RBFOX1: variants seen among roughly 807,000 people sequenced by gnomAD.
RBFOX1 encodes RNA binding fox-1 homolog 1, also known as RNA binding protein fox-1 homolog 1.
RBFOX1 carries 8 observed loss-of-function variants against 57.7 expected under a neutral mutation model. The observed-to-expected ratio is 0.14, with a 90% confidence interval of 0.08 to 0.25. The LOEUF (loss-of-function observed/expected upper bound fraction) is 0.25. Ranked by LOEUF, RBFOX1 falls within the 10% of genes least tolerant of loss-of-function variation. The probability of loss-of-function intolerance (pLI) is 1.00; values close to 1 mark genes in which losing one functional copy is unlikely to be tolerated. For missense variants in RBFOX1, 611 were observed against 548.5 expected (o/e 1.11, Z -1.14); for synonymous variants, 326 against 222.4 (o/e 1.47, Z -4.15).
chr16:6,876,727 C>G (rs189058198), intron 3 of RBFOX1, among the ~76,000 whole-genome samples: 144 of 152,120 alleles, frequency 9.5e-4, no homozygotes, highest in South Asian at 1.9e-3. Context: ...CAAGAGAGAA[C>G]CCATAGTCCC....
chr16:5,919,509 A>AT (rs201289683), intron 4 of RBFOX1, among the ~76,000 whole-genome samples: 2,834 of 151,976 alleles, frequency 0.019, 80 homozygotes, highest in African/African-American at 0.066. Context: ...GGCCCGGCTA[A>AT]TTTTTTGTAT....
intron 3 of RBFOX1, among the ~76,000 whole-genome samples, chr16:6,821,721 A>G (rs1286370051): frequency 6.6e-6 from 1 of 152,164 alleles, no homozygotes; most frequent in Non-Finnish European, 1.5e-5. Flanking sequence ...GTGCTTCATC[A>G]ATTTTTATGG....
At chr16:6,288,627 T>A (rs567537122) in intron 1 of RBFOX1, among the ~76,000 whole-genome samples, 1 of 152,268 alleles carries the variant, frequency 6.6e-6, no homozygotes, top group South Asian at 2.1e-4. Context: ...GTTGCACTTC[T>A]GGGAAACTGC....
intron 4 of RBFOX1, among the ~76,000 whole-genome samples, chr16:5,935,551 G>C (rs2059151686): frequency 6.6e-6 from 1 of 152,200 alleles, no homozygotes; most frequent in Non-Finnish European, 1.5e-5. Flanking sequence ...GTGAGAGCAG[G>C]AAAGAAGAGG....
chr16:6,900,699 C>G (rs1475122860), intron 3 of RBFOX1, among the ~76,000 whole-genome samples: 3 of 152,192 alleles, frequency 2.0e-5, no homozygotes, highest in African/African-American at 7.2e-5. Flanking sequence ...GTCTCAGAAT[C>G]TGTATTGCTT....
chr16:6,878,977 C>G (rs753401542), intron 3 of RBFOX1, among the ~76,000 whole-genome samples: 2 of 152,026 alleles, frequency 1.3e-5, no homozygotes, highest in Admixed American at 6.6e-5. Flanking sequence ...AATAAAATGA[C>G]TTGTATAAGG....
At chr16:5,949,565 A>T (rs1395749493) in intron 4 of RBFOX1, among the ~76,000 whole-genome samples, 1 of 151,712 alleles carries the variant, frequency 6.6e-6, no homozygotes, top group African/African-American at 2.4e-5. Flanking sequence ...ACAGGATCCA[A>T]TTAAAGATAA....
At chr16:7,339,152 C>T (rs987242233) in intron 4 of RBFOX1, among the ~76,000 whole-genome samples, 1 of 152,142 alleles carries the variant, frequency 6.6e-6, no homozygotes, top group African/African-American at 2.4e-5. Flanking sequence ...TGTCAATTAA[C>T]CTCACCAAGC....
chr16:6,632,217 G>A (rs144148173), intron 2 of RBFOX1, among the ~76,000 whole-genome samples: 1 of 151,968 alleles, frequency 6.6e-6, no homozygotes, highest in African/African-American at 2.4e-5. Context: ...AGGAAAGCTG[G>A]AAGAACTTTA....
intron 2 of RBFOX1, among the ~76,000 whole-genome samples, chr16:5,485,437 C>A (rs1197406552): frequency 2.3e-5 from 3 of 132,732 alleles, no homozygotes; most frequent in Non-Finnish European, 5.0e-5. Context: ...GAGGTGAGAT[C>A]ATCAGTACCA....
chr16:5,997,571 C>T (rs17134940), intron 4 of RBFOX1, among the ~76,000 whole-genome samples: 9,106 of 152,240 alleles, frequency 0.06, 505 homozygotes, highest in East Asian at 0.28. Flanking sequence ...TGAAGAATCA[C>T]CAAATCTCTA....
At chr16:5,812,434 C>T (rs1050071335) in intron 3 of RBFOX1, among the ~76,000 whole-genome samples, 1 of 151,076 alleles carries the variant, frequency 6.6e-6, no homozygotes, top group Non-Finnish European at 1.5e-5. Flanking sequence ...CACATACACT[C>T]ACCAACATGA....
At chr16:5,276,089 A>G (rs1421442730) in intron 1 of RBFOX1, among the ~76,000 whole-genome samples, 2 of 152,250 alleles carry the variant, frequency 1.3e-5, no homozygotes, top group African/African-American at 4.8e-5. Flanking sequence ...ATTCTTGAAG[A>G]TAACATTGGA....
chr16:5,376,858 A>T (rs1357608188), intron 1 of RBFOX1, among the ~76,000 whole-genome samples: 1 of 151,550 alleles, frequency 6.6e-6, no homozygotes, highest in East Asian at 1.9e-4. Context: ...TGGCAGGGGG[A>T]GCAGGTTCTG....
intron 3 of RBFOX1, among the ~76,000 whole-genome samples, chr16:6,931,884 A>C (rs2076620161): frequency 6.6e-6 from 1 of 152,202 alleles, no homozygotes; most frequent in Non-Finnish European, 1.5e-5. Context: ...ATAAGGCATC[A>C]CATGGCAAGA....
chr16:6,080,013 C>T (rs905940711), intron 1 of RBFOX1, among the ~76,000 whole-genome samples: 5 of 152,292 alleles, frequency 3.3e-5, no homozygotes, highest in Non-Finnish European at 7.3e-5. Context: ...TAACAATCCT[C>T]CTAAGTTCTG....
chr16:6,294,572 G>A (rs538393696), intron 1 of RBFOX1, among the ~76,000 whole-genome samples: 1 of 152,292 alleles, frequency 6.6e-6, no homozygotes, highest in Admixed American at 6.5e-5. Context: ...TGTAGACCAA[G>A]TCTAATCCGT....
At chr16:6,695,209 C>A (rs1458580520) in intron 3 of RBFOX1, among the ~76,000 whole-genome samples, 1 of 152,000 alleles carries the variant, frequency 6.6e-6, no homozygotes, top group African/African-American at 2.4e-5. Context: ...CGCCTGATGT[C>A]AGGAGTTTGA....
At chr16:7,078,122 C>T (rs976855446) in intron 4 of RBFOX1, among the ~76,000 whole-genome samples, 1 of 152,174 alleles carries the variant, frequency 6.6e-6, no homozygotes, top group Non-Finnish European at 1.5e-5. Flanking sequence ...AGGCTGGTAA[C>T]TCCACTGTTC....
Sources: allele counts gnomAD v4.1 joint callset (sites outside exome capture counted in the v4.1 genomes callset), GRCh38; gene constraint gnomAD v4.1.1; transcripts MANE v1.5; gene names NCBI Gene and HGNC (gene_info 2026-07-23, HGNC 2026-07-21).